Variants in FARP1 observed in about 807,000 individuals in gnomAD.
The protein encoded by FARP1 is FERM, ARHGEF and pleckstrin domain-containing protein 1.
Under a neutral mutation model 128.8 loss-of-function variants are expected in FARP1, and 52 were observed. The ratio of observed to expected loss-of-function variants is 0.40; its 90% CI spans 0.32 to 0.51. The LOEUF (loss-of-function observed/expected upper bound fraction) is 0.51, where lower values mean the gene tolerates loss of function less well. FARP1 is among the 20% of genes least tolerant of loss of function. FARP1 has a pLI of 0.45. For missense variants in FARP1, 1,333 were observed against 1,367.9 expected, an observed-to-expected ratio of 0.97 and a Z score of 0.40; for synonymous variants, 580 against 551.8, an observed-to-expected ratio of 1.05 and a Z score of -0.72.
intron 26 of FARP1, 136 bp downstream of exon 26, chr13:98,446,953 C>T (rs1892883584): frequency 4.6e-6 from 4 of 870,966 alleles, no homozygotes; most frequent in Non-Finnish European, 7.1e-6. Context: ...TGGGGTCCCA[C>T]TGCCCGACAC....
chr13:98,287,208 C>CTTTTTTTTTGTTTTTTTTTTTT (rs1885217267), intron 2 of FARP1, among the ~76,000 whole-genome samples: 1 of 75,814 alleles, frequency 1.3e-5, no homozygotes. Flanking sequence ...TCAGACATGT[C>CTTTTTTTTTGTTTTTTTTTTTT]TTTTTTTTTT....
Position 98,260,130 on chromosome 13 carries a change from T to C in FARP1, c.171+46717T>C, listed in dbSNP as rs1478773281. Among the ~76,000 whole-genome samples, 4 of 152,134 alleles carry C rather than the reference T, an allele frequency of 2.6e-5. No homozygotes were observed. The South Asian group carries it at 6.2e-4, about 24-fold the overall frequency. On this transcript the variant is annotated intron_variant, in intron 2 of 26. Coordinates refer to ENST00000319562, the MANE Select transcript of FARP1 (RefSeq NM_005766.4). Reference sequence around the variant, plus strand: ...ATAAGTAAGCCTTACATTGGGTAAATACAAGTTTTAAAAAAGCACACACAC... The same window carrying C: ...ATAAGTAAGCCTTACATTGGGTAAACACAAGTTTTAAAAAAGCACACACAC...
intron 2 of FARP1, among the ~76,000 whole-genome samples, chr13:98,313,253 A>G (rs1168336674): frequency 6.7e-6 from 1 of 150,210 alleles, no homozygotes; most frequent in African/African-American, 2.4e-5. Context: ...ACACACACAC[A>G]CACACACACA....
chr13:98,436,685 T>G (rs1011337265), intron 19 of FARP1, among the ~76,000 whole-genome samples: 17 of 152,212 alleles, frequency 1.1e-4, no homozygotes, highest in African/African-American at 3.6e-4. Flanking sequence ...TGTGAGAGAT[T>G]GTCAGAAGAG....
intron 14 of FARP1, among the ~76,000 whole-genome samples, chr13:98,410,187 A>G (rs369968309): frequency 2.0e-5 from 3 of 152,358 alleles, no homozygotes; most frequent in Admixed American, 6.5e-5. Context: ...GTTTAAAGAG[A>G]AAGCAAGGTT....
intron 2 of FARP1, among the ~76,000 whole-genome samples, chr13:98,294,508 C>T (rs1202768423): frequency 6.6e-6 from 1 of 152,166 alleles, no homozygotes; most frequent in Non-Finnish European, 1.5e-5. Flanking sequence ...TAAAAACACA[C>T]TTGTGAGGTG....
intron 1 of FARP1, among the ~76,000 whole-genome samples, chr13:98,167,900 C>T (rs1026353965): frequency 3.4e-5 from 5 of 149,168 alleles, no homozygotes; most frequent in African/African-American, 1.2e-4. Flanking sequence ...TGGCCGGGTG[C>T]GGTGGCTCAC....
At chr13:98,287,154 C>CA (rs34694995) in intron 2 of FARP1, among the ~76,000 whole-genome samples, 1 of 145,326 alleles carries the variant, frequency 6.9e-6, no homozygotes, top group Non-Finnish European at 1.5e-5. Context: ...GTTTTCTCTG[C>CA]AAAAAGTCAA....
chr13:98,186,620 G>A (rs1479541490), intron 1 of FARP1, among the ~76,000 whole-genome samples: 6 of 152,108 alleles, frequency 3.9e-5, no homozygotes, highest in Admixed American at 1.3e-4. Context: ...TAAAGGCTGC[G>A]TAATAATCCA....
At position 98,385,785 on chromosome 13, in the gene FARP1, G is replaced by T. The variant is rs762950098; in HGVS notation, c.730G>T (p.Val244Phe). The change falls in exon 8 of 27, where the codon GTT (valine) becomes TTT (phenylalanine). Residue 244 changes from valine (V) to phenylalanine (F), a missense_variant. Around this residue, in one of 2 missense-constraint regions of FARP1, gnomAD observed 324 missense variants for 398.1 expected, o/e 0.81. Transcript: ENST00000319562. ...DREGTKINLA[V>F]ANTGILVFQG... ...GGAAGGCACGAAGATCAATCTGGCCGTTGCCAACACGGGAATTCTAGTGTT... is the reference window on the plus strand; with the variant it reads ...GGAAGGCACGAAGATCAATCTGGCCTTTGCCAACACGGGAATTCTAGTGTT... The T allele has an allele frequency of 6.2e-7, 1 of 1,614,028 alleles. No homozygotes were observed. Among genetic ancestry groups the T allele is most frequent in the Non-Finnish European group, 8.5e-7 (1 of 1,180,042 alleles).
chr13:98,169,953 C>T (rs769573622), intron 1 of FARP1, among the ~76,000 whole-genome samples: 1 of 152,120 alleles, frequency 6.6e-6, no homozygotes, highest in Non-Finnish European at 1.5e-5. Flanking sequence ...TACTTTCCTA[C>T]CTTTAAAATT....
chr13:98,316,159 A>G (rs931142541), intron 2 of FARP1, among the ~76,000 whole-genome samples: 11 of 152,178 alleles, frequency 7.2e-5, no homozygotes, highest in Non-Finnish European at 1.5e-4. Flanking sequence ...CCCTTGTCTC[A>G]GGAAGGTGCT....
intron 5 of FARP1, among the ~76,000 whole-genome samples, chr13:98,375,906 A>T (rs1329315858): frequency 1.3e-5 from 2 of 152,090 alleles, no homozygotes; most frequent in Non-Finnish European, 2.9e-5. Flanking sequence ...TGGGAGCCAC[A>T]GCGTGCGGCC....
intron 17 of FARP1, among the ~76,000 whole-genome samples, chr13:98,430,101 T>A (rs1025369686): frequency 1.3e-4 from 20 of 151,498 alleles, no homozygotes; most frequent in African/African-American, 4.1e-4. Context: ...AATTTTTTTT[T>A]AAATTAGCTG....
At chr13:98,425,995 C>G (rs1312768948) in intron 17 of FARP1, among the ~76,000 whole-genome samples, 2 of 152,150 alleles carry the variant, frequency 1.3e-5, no homozygotes, top group Non-Finnish European at 2.9e-5. Flanking sequence ...TAATAACTGC[C>G]CAGAGAAGCT....
chr13:98,388,012 G>A (rs1334739356), intron 8 of FARP1, among the ~76,000 whole-genome samples: 2 of 152,214 alleles, frequency 1.3e-5, no homozygotes, highest in South Asian at 4.1e-4. Flanking sequence ...TATCAGGGTT[G>A]TTAAGATACA....
At chr13:98,235,814 CCT>C (rs1334679112) in intron 2 of FARP1, among the ~76,000 whole-genome samples, 1 of 141,384 alleles carries the variant, frequency 7.1e-6, no homozygotes, top group East Asian at 2.1e-4. Context: ...GTACAATTCA[CCT>C]CTGTCTTTTT....
intron 2 of FARP1, among the ~76,000 whole-genome samples, chr13:98,292,565 T>G (rs1356870693): frequency 6.6e-6 from 1 of 152,382 alleles, no homozygotes; most frequent in South Asian, 2.1e-4. Context: ...ACAGTTGCAC[T>G]AGCCATACTC....
At chr13:98,196,916 A>G (rs1194204324) in intron 1 of FARP1, among the ~76,000 whole-genome samples, 1 of 152,224 alleles carries the variant, frequency 6.6e-6, no homozygotes, top group African/African-American at 2.4e-5. Context: ...TTAATCATTA[A>G]TTCTAGTTGA....
Sources: allele counts gnomAD v4.1 joint callset (sites outside exome capture counted in the v4.1 genomes callset), GRCh38; gene constraint gnomAD v4.1.1; regional missense constraint gnomAD v4.1.1; transcripts MANE v1.5; gene names NCBI Gene and HGNC (gene_info 2026-07-23, HGNC 2026-07-21).